Variants in SEPTIN6 observed in about 807,000 individuals in gnomAD.
The protein encoded by SEPTIN6 is septin-6.
A neutral mutation model predicts 33.6 loss-of-function variants in SEPTIN6; 8 were observed. That is an observed-to-expected ratio of 0.24 (90% CI 0.14 to 0.43). The LOEUF is 0.43. Ranked by LOEUF, SEPTIN6 falls within the 20% of genes least tolerant of loss-of-function variation. The probability of loss-of-function intolerance (pLI) is 1.00; values close to 1 mark genes in which losing one functional copy is unlikely to be tolerated. For synonymous variants in SEPTIN6, 131 were observed against 140.0 expected, an observed-to-expected ratio of 0.94 and a Z score of 0.45; for missense variants, 250 against 340.8, an observed-to-expected ratio of 0.73 and a Z score of 2.10.
intron 8 of SEPTIN6, among the ~76,000 whole-genome samples, chrX:119,632,488 G>A (rs1267111682): frequency 2.4e-4 from 26 of 108,839 alleles, no homozygotes; most frequent in Non-Finnish European, 4.2e-4. Flanking sequence ...GAGCCACCGC[G>A]CCCAGCCAAC....
intron 8 of SEPTIN6, among the ~76,000 whole-genome samples, chrX:119,631,586 C>T (rs1407387504): frequency 4.5e-5 from 5 of 109,982 alleles, no homozygotes; most frequent in African/African-American, 1.7e-4. Flanking sequence ...CACTTCTCCT[C>T]CTAAAAGTGC....
At chrX:119,674,457 G>A (rs924544375) in intron 2 of SEPTIN6, among the ~76,000 whole-genome samples, 11 of 112,389 alleles carry the variant, frequency 9.8e-5, no homozygotes, top group African/African-American at 3.2e-4. Context: ...GATTACAGGC[G>A]TGAGCCACCG....
intron 5 of SEPTIN6, among the ~76,000 whole-genome samples, chrX:119,642,965 G>A (rs1460843627): frequency 9.0e-6 from 1 of 111,406 alleles, no homozygotes; most frequent in Non-Finnish European, 1.9e-5. Flanking sequence ...GAAGGTGGGT[G>A]TGGGGTGGAG....
intron 3 of SEPTIN6, among the ~76,000 whole-genome samples, chrX:119,656,670 G>A (rs1569432503): frequency 3.6e-5 from 4 of 111,789 alleles, no homozygotes; most frequent in African/African-American, 6.5e-5. Context: ...GGCGGATCAC[G>A]AGGTCAGGAG....
chrX:119,665,864 G>A (rs986529230), intron 2 of SEPTIN6, among the ~76,000 whole-genome samples: 3 of 110,373 alleles, frequency 2.7e-5, no homozygotes, highest in Admixed American at 1.9e-4. Context: ...GGTGGATCAC[G>A]AGGTCAGGAG....
chrX:119,682,776 G>A (rs2054984555), intron 1 of SEPTIN6, among the ~76,000 whole-genome samples: 2 of 111,455 alleles, frequency 1.8e-5, no homozygotes, highest in African/African-American at 6.5e-5. Context: ...TAAGCAAGCC[G>A]TATTTGAGGC....
chrX:119,687,933 C>T (rs1216348642), intron 1 of SEPTIN6, among the ~76,000 whole-genome samples: 1 of 112,234 alleles, frequency 8.9e-6, no homozygotes, highest in African/African-American at 3.2e-5. Context: ...CGCTAACACT[C>T]ACATTTCCAG....
intron 5 of SEPTIN6, among the ~76,000 whole-genome samples, chrX:119,643,362 G>A (rs1307486277): frequency 1.8e-5 from 2 of 109,045 alleles, no homozygotes; most frequent in African/African-American, 6.7e-5. Context: ...GAGGAGGAAG[G>A]CATGTGAATT....
downstream of SEPTIN6, chrX:119,615,848 A>C (rs952468148): frequency 6.1e-6 from 1 of 162,725 alleles, no homozygotes; most frequent in Non-Finnish European, 1.2e-5. Flanking sequence ...ATGACTGGTC[A>C]CACCTTTGAG....
intron 3 of SEPTIN6, among the ~76,000 whole-genome samples, chrX:119,661,989 C>T (rs1028987186): frequency 1.8e-5 from 2 of 112,057 alleles, no homozygotes; most frequent in South Asian, 3.7e-4. Flanking sequence ...CTGCCCGCCT[C>T]GGCCTCCCAA....
intron 1 of SEPTIN6, among the ~76,000 whole-genome samples, chrX:119,689,346 T>C (rs933380039): frequency 1.8e-5 from 2 of 111,809 alleles, no homozygotes; most frequent in Non-Finnish European, 3.8e-5. Flanking sequence ...TCTCGAAATA[T>C]ATATTAATAG....
At chrX:119,663,895 T>C (rs1393937791) in intron 2 of SEPTIN6, among the ~76,000 whole-genome samples, 1 of 111,908 alleles carries the variant, frequency 8.9e-6, no homozygotes, top group African/African-American at 3.2e-5. Flanking sequence ...GATAGTAGAA[T>C]TGAGGTAATT....
At chrX:119,661,898 C>T (rs2054553720) in intron 3 of SEPTIN6, among the ~76,000 whole-genome samples, 1 of 112,099 alleles carries the variant, frequency 8.9e-6, no homozygotes, top group Admixed American at 9.5e-5. Context: ...CCATCACACC[C>T]GCCTAATTTT....
chrX:119,616,562 T>A (rs769793008), downstream of SEPTIN6: 1 of 591,219 alleles, frequency 1.7e-6, no homozygotes, highest in East Asian at 3.3e-5. Flanking sequence ...GCTTCTTGCC[T>A]GGACACAGGG....
chrX:119,671,646 A>G (rs985556598), intron 2 of SEPTIN6, among the ~76,000 whole-genome samples: 22 of 109,276 alleles, frequency 2.0e-4, no homozygotes, highest in African/African-American at 6.9e-4. Context: ...ATGTGCCTGT[A>G]GTCCCAGCTA....
chrX:119,637,907 G>C (rs963859599), intron 6 of SEPTIN6, among the ~76,000 whole-genome samples: 1 of 112,465 alleles, frequency 8.9e-6, no homozygotes, highest in Non-Finnish European at 1.9e-5. Context: ...GAACTCCTGG[G>C]AAAGTGAAGA....
Position 119,617,593 on chromosome X carries a change from C to T in SEPTIN6, c.*2500G>A. 4 of 801,607 alleles carry T rather than the reference C, an allele frequency of 5.0e-6. No individual in the cohort carries two copies. The highest frequency in any genetic ancestry group is 6.0e-6 in the Non-Finnish European group (4 of 668,017). 66.1% of individuals were successfully genotyped at this position (801,607 alleles called of 1,213,427 possible). ...TGTGGAAAAAAACCTCGAGGGTCTT[C>T]TAATACTAACTAGTCAGTTACTCTG... On this transcript the variant is annotated 3_prime_UTR_variant, in exon 11 of 11. Transcript: ENST00000394610.
In SEPTIN6 at chrX:119,624,311, G is replaced by A. The variant is rs915436651; in HGVS notation, c.*41+1024C>T. On this transcript the variant is annotated intron_variant, in intron 10 of 10. Transcript: ENST00000394610. ...CTGCCTCAGCCTCCCGAGTAGCTGG[G>A]ATTACAGGCATGCACCACCACGCCC... Among the ~76,000 whole-genome samples the A allele has an allele frequency of 2.7e-5, 3 of 109,552 alleles. No individual in the cohort carries two copies. In the South Asian group the frequency reaches 1.2e-3, roughly 43 times the overall value.
At chrX:119,629,556 C>T (rs777564692) in intron 8 of SEPTIN6, 48 bp from the exon 9 acceptor site, 2 of 1,152,287 alleles carry the variant, frequency 1.7e-6, no homozygotes, top group Non-Finnish European at 2.4e-6. Flanking sequence ...TGTGAGCAGT[C>T]CCCAGCCTGG....
Sources: gnomAD v4.1 joint callset for allele counts (sites outside exome capture counted in the v4.1 genomes callset) on GRCh38, gnomAD v4.1.1 for gene constraint, MANE v1.5 for transcripts, NCBI Gene and HGNC (gene_info 2026-07-23, HGNC 2026-07-21) for gene names.